Variants in CSGALNACT1 observed in about 807,000 individuals in gnomAD.
The protein encoded by CSGALNACT1 is beta4GalNAcT-1.
In CSGALNACT1, 52 loss-of-function variants were observed where a neutral mutation model predicts 51.0. That is an observed-to-expected ratio of 1.02 (90% confidence interval 0.82 to 1.29). The LOEUF is 1.29. Among genes scored for constraint, CSGALNACT1 ranks in the 50% most tolerant of loss-of-function variants. The pLI is 0.00. For missense variants in CSGALNACT1, 935 were observed against 679.2 expected, an observed-to-expected ratio of 1.38 and a Z score of -4.19; for synonymous variants, 341 against 254.4, an observed-to-expected ratio of 1.34 and a Z score of -3.24.
At chr8:19,487,962 T>C (rs2073384652) in intron 4 of CSGALNACT1, among the ~76,000 whole-genome samples, 1 of 151,808 alleles carries the variant, frequency 6.6e-6, no homozygotes, top group Non-Finnish European at 1.5e-5. Flanking sequence ...CTTCATATAA[T>C]ACACCTCCCA....
At chr8:19,426,658 C>T (rs546222060) in intron 6 of CSGALNACT1, among the ~76,000 whole-genome samples, 42 of 152,248 alleles carry the variant, frequency 2.8e-4, no homozygotes, top group African/African-American at 1.0e-3. Flanking sequence ...ATTTCCCAGT[C>T]AATTCCTGTT....
At chr8:19,503,106 G>C (rs922282142) in intron 4 of CSGALNACT1, among the ~76,000 whole-genome samples, 1 of 152,132 alleles carries the variant, frequency 6.6e-6, no homozygotes, top group Non-Finnish European at 1.5e-5. Context: ...TTGTGGTATT[G>C]ATAATATTTT....
chr8:19,438,112 A>G (rs966325244), intron 6 of CSGALNACT1, among the ~76,000 whole-genome samples: 6 of 148,402 alleles, frequency 4.0e-5, no homozygotes, highest in Non-Finnish European at 3.0e-5. Flanking sequence ...AATCTGCCAT[A>G]CCCATAGGAA....
Position 19,411,297 on chromosome 8 carries a change from C to T in CSGALNACT1, c.1228-2603G>A, listed in dbSNP as rs188532479. Among the ~76,000 whole-genome samples the T allele has an allele frequency of 1.0e-3, 154 of 152,326 alleles. 1 individual carries two copies. Among genetic ancestry groups the T allele is most frequent in the African/African-American group, 3.6e-3 (149 of 41,572 alleles). On this transcript the variant is annotated intron_variant, in intron 8 of 9. Coordinates refer to ENST00000454498, the Ensembl canonical transcript of CSGALNACT1. ...ACAATTCTGGCTTCTGAAATGATCC[C>T]GTTGATGCATCTGCTTCTCTGTTTG...
At chr8:19,548,041 G>C (rs2086906709) in intron 3 of CSGALNACT1, among the ~76,000 whole-genome samples, 1 of 152,140 alleles carries the variant, frequency 6.6e-6, no homozygotes, top group Non-Finnish European at 1.5e-5. Flanking sequence ...AACTCTGTGA[G>C]GTTGAAAGTC....
intron 3 of CSGALNACT1, among the ~76,000 whole-genome samples, chr8:19,575,059 T>C (rs1173629889): frequency 6.6e-6 from 1 of 151,884 alleles, no homozygotes; most frequent in African/African-American, 2.4e-5. Context: ...TCCTCTCTCC[T>C]CTCCATAATA....
rs146359002 is a variant in CSGALNACT1 at position 19,608,255 on chromosome 8, G to T, written c.-543-6390C>A. 4.5e-4 allele frequency among the ~76,000 whole-genome samples: 68 copies of T among 152,256 alleles called. 1 individual carries two copies. The East Asian group carries it at 0.013, about 28-fold the overall frequency. On this transcript the variant is annotated intron_variant, in intron 1 of 9. Transcript: ENST00000332246. ...CCCAGGCAACAGGGACACCTATACGGGGCAGCCCAACATAACAAATTATAC... is the reference window on the plus strand; with the variant it reads ...CCCAGGCAACAGGGACACCTATACGTGGCAGCCCAACATAACAAATTATAC...
chr8:19,694,895 A>C (rs951195315), intron 1 of CSGALNACT1, among the ~76,000 whole-genome samples: 2 of 152,232 alleles, frequency 1.3e-5, no homozygotes, highest in African/African-American at 2.4e-5. Flanking sequence ...AGTTTGTTCC[A>C]TGCTGCCTCT....
intron 3 of CSGALNACT1, among the ~76,000 whole-genome samples, chr8:19,516,887 T>A (rs139161078): frequency 6.6e-6 from 1 of 152,208 alleles, no homozygotes; most frequent in African/African-American, 2.4e-5. Context: ...GTGGTTCAAG[T>A]GCTGCCTTTG....
At chr8:19,700,036 C>A (rs2154219809) in intron 1 of CSGALNACT1, among the ~76,000 whole-genome samples, 1 of 150,090 alleles carries the variant, frequency 6.7e-6, no homozygotes, top group South Asian at 2.1e-4. Flanking sequence ...CACTTGAACC[C>A]AGGAGACAGA....
chr8:19,551,857 G>A (rs537864028), intron 3 of CSGALNACT1, among the ~76,000 whole-genome samples: 2 of 152,036 alleles, frequency 1.3e-5, no homozygotes, highest in South Asian at 4.1e-4. Flanking sequence ...GTCTTAGGAG[G>A]ACAAAGAGAT....
At chr8:19,630,248 G>C (rs1448220444) in intron 1 of CSGALNACT1, among the ~76,000 whole-genome samples, 1 of 145,568 alleles carries the variant, frequency 6.9e-6, no homozygotes, top group African/African-American at 2.6e-5. Context: ...GTGTGTATGT[G>C]TGTGTGTTCT....
At position 19,667,032 on chromosome 8, in the gene CSGALNACT1, GAAGGAAGGAAGAAAGA is replaced by G. The variant is rs1564386791; in HGVS notation, c.-544+15425_-544+15440del. Reference sequence around the variant, plus strand: ...GAAAGAAAGAAAGGAAGGAAGGAAGGAAGGAAGGAAGAAAGAAAGAAAGAAAGAAAGAAAGAAAGAA... The same window carrying G: ...GAAAGAAAGAAAGGAAGGAAGGAAGGAAGAAAGAAAGAAAGAAAGAAAGAA... On this transcript the variant is annotated intron_variant, in intron 1 of 9. Transcript: ENST00000332246. Among the ~76,000 whole-genome samples, 27 of 27,794 alleles carry G rather than the reference GAAGGAAGGAAGAAAGA, an allele frequency of 9.7e-4. 1 individual carries two copies. The highest frequency in any genetic ancestry group is 6.9e-3 in the Admixed American group (18 of 2,624). 18.2% of individuals were successfully genotyped at this position (27,794 alleles called of 152,430 possible). A position where few individuals can be genotyped will look rare whatever the true frequency, so the allele number is the denominator to read the frequency against.
At chr8:19,597,338 C>T (rs946035865) in intron 2 of CSGALNACT1, among the ~76,000 whole-genome samples, 1 of 132,590 alleles carries the variant, frequency 7.5e-6, no homozygotes, top group Non-Finnish European at 1.5e-5. Flanking sequence ...CTGTGTCACC[C>T]AAGCTAGAGT....
intron 8 of CSGALNACT1, among the ~76,000 whole-genome samples, chr8:19,409,692 G>T (rs980596753): frequency 1.3e-5 from 2 of 152,110 alleles, no homozygotes; most frequent in Non-Finnish European, 2.9e-5. Flanking sequence ...GAGGGCAGCA[G>T]CAGGTTCCTC....
chr8:19,656,840 C>CGG (rs2058324636), intron 1 of CSGALNACT1, among the ~76,000 whole-genome samples: 3 of 151,842 alleles, frequency 2.0e-5, no homozygotes, highest in African/African-American at 7.3e-5. Flanking sequence ...GGCCAAGGCG[C>CGG]GTGGATCACA....
At chr8:19,466,868 T>G (rs2066805811) in intron 4 of CSGALNACT1, among the ~76,000 whole-genome samples, 1 of 152,198 alleles carries the variant, frequency 6.6e-6, no homozygotes, top group Non-Finnish European at 1.5e-5. Context: ...CTGGTTTTAT[T>G]TCTGTTTCAG....
intron 3 of CSGALNACT1, among the ~76,000 whole-genome samples, chr8:19,574,524 T>C (rs940423854): frequency 2.0e-5 from 3 of 152,216 alleles, no homozygotes; most frequent in African/African-American, 7.2e-5. Flanking sequence ...CAACAAATGC[T>C]GGCAGAGCAG....
At chr8:19,553,086 C>T (rs999410347) in intron 3 of CSGALNACT1, among the ~76,000 whole-genome samples, 25 of 152,112 alleles carry the variant, frequency 1.6e-4, no homozygotes, top group Non-Finnish European at 3.1e-4. Flanking sequence ...GTTTTTAGTA[C>T]AGAAATTTGA....
Sources: gnomAD v4.1 joint callset for allele counts (sites outside exome capture counted in the v4.1 genomes callset) on GRCh38, gnomAD v4.1.1 for gene constraint, MANE v1.5 for transcripts, NCBI Gene and HGNC (gene_info 2026-07-23, HGNC 2026-07-21) for gene names.